GNG7: variants seen among roughly 807,000 people sequenced by gnomAD.
The protein encoded by GNG7 is guanine nucleotide-binding protein G(I)/G(S)/G(O) subunit gamma-7.
GNG7 carries 1 observed loss-of-function variant against 4.0 expected under a neutral mutation model. That is an observed-to-expected ratio of 0.25 (90% confidence interval 0.09 to 1.18). The LOEUF (loss-of-function observed/expected upper bound fraction) is 1.18. Ranked by LOEUF, GNG7 falls within the 50% of genes most tolerant of loss-of-function variation. GNG7 has a pLI of 0.50. For synonymous variants in GNG7, 34 were observed against 36.9 expected, an observed-to-expected ratio of 0.92 and a Z score of 0.29; for missense variants, 86 against 91.9, an observed-to-expected ratio of 0.94 and a Z score of 0.26.
At chr19:2,537,881 GCC>G (rs1978796043) in intron 3 of GNG7, among the ~76,000 whole-genome samples, 2 of 152,158 alleles carry the variant, frequency 1.3e-5, no homozygotes, top group Non-Finnish European at 2.9e-5. Context: ...TTCCAGACCA[GCC>G]TGGCCAACAC....
chr19:2,560,911 C>G (rs1174757789), intron 2 of GNG7, among the ~76,000 whole-genome samples: 1 of 148,258 alleles, frequency 6.7e-6, no homozygotes, highest in Non-Finnish European at 1.5e-5. Flanking sequence ...GAGCCGAGAT[C>G]GTACCATTGC....
chr19:2,519,709 G>A (rs568565659), intron 4 of GNG7, among the ~76,000 whole-genome samples: 2 of 151,622 alleles, frequency 1.3e-5, no homozygotes, highest in South Asian at 4.2e-4. Context: ...GGGCTTAAGA[G>A]AAAAAGCCTG....
chr19:2,594,429 A>AGGAG (rs1434805444), intron 2 of GNG7, among the ~76,000 whole-genome samples: 1 of 140,110 alleles, frequency 7.1e-6, no homozygotes, highest in Non-Finnish European at 1.5e-5. Context: ...GAAGGAAGGA[A>AGGAG]GGAAGGAAGG....
At chr19:2,697,618 G>A (rs1366995399) in intron 1 of GNG7, among the ~76,000 whole-genome samples, 3 of 152,308 alleles carry the variant, frequency 2.0e-5, no homozygotes, top group Middle Eastern at 3.4e-3. Flanking sequence ...GGGGAGAGGC[G>A]CCCGACATCA....
chr19:2,661,296 AAGAAAGAG>A (rs1230997952), intron 1 of GNG7, among the ~76,000 whole-genome samples: 1 of 58,590 alleles, frequency 1.7e-5, no homozygotes, highest in African/African-American at 8.8e-5. Flanking sequence ...GAAAGAAAGA[AAGAAAGAG>A]AAAGAAAGAA....
chr19:2,642,581 G>T (rs1982537289), intron 2 of GNG7: 8 of 359,586 alleles, frequency 2.2e-5, no homozygotes, highest in South Asian at 1.7e-4. Context: ...GCCTGGGCTG[G>T]TCTCAAACTC....
Position 2,529,211 on chromosome 19 carries a change from T to G in GNG7, c.-37-8486A>C, listed in dbSNP as rs566287606. Reference sequence around the variant, plus strand: ...TACCCATTTTTGTGTTGGTGGGTTTTTTTGTTTGTTTGTTTGTTTTTTGGA... The same window carrying G: ...TACCCATTTTTGTGTTGGTGGGTTTGTTTGTTTGTTTGTTTGTTTTTTGGA... On this transcript the variant is annotated intron_variant, in intron 3 of 4. Coordinates refer to ENST00000382159, the MANE Select transcript of GNG7 (RefSeq NM_052847.3). Among the ~76,000 whole-genome samples, 27 of 152,188 alleles carry G rather than the reference T, an allele frequency of 1.8e-4. No individual in the cohort carries two copies. In the East Asian group the frequency reaches 1.9e-3, roughly 11 times the overall value.
intron 3 of GNG7, among the ~76,000 whole-genome samples, chr19:2,535,812 T>C (rs1978718200): frequency 6.6e-6 from 1 of 152,166 alleles, no homozygotes; most frequent in Admixed American, 6.6e-5. Context: ...TGTCCTCCTC[T>C]GACCCCATCA....
At chr19:2,541,115 G>T (rs946688100) in intron 3 of GNG7, among the ~76,000 whole-genome samples, 2 of 152,234 alleles carry the variant, frequency 1.3e-5, no homozygotes, top group Admixed American at 1.3e-4. Context: ...GCGAGGGAGC[G>T]GGAGCTACCG....
chr19:2,612,944 G>A (rs576411680), intron 2 of GNG7, among the ~76,000 whole-genome samples: 56 of 152,012 alleles, frequency 3.7e-4, no homozygotes, highest in African/African-American at 1.3e-3. Flanking sequence ...CGTCCGCCTC[G>A]GCCTCCCAAA....
intron 1 of GNG7, among the ~76,000 whole-genome samples, chr19:2,667,329 A>G (rs1160907642): frequency 6.6e-6 from 1 of 152,130 alleles, no homozygotes; most frequent in Admixed American, 6.5e-5. Flanking sequence ...CTCAAAAAAC[A>G]AACAAACAAA....
chr19:2,561,791 G>C lies in GNG7; in HGVS notation c.-77-6603C>G, dbSNP rs148572741. 1.9e-3 allele frequency among the ~76,000 whole-genome samples: 285 copies of C among 152,088 alleles called. 5 individuals carry two copies. In the East Asian group the frequency reaches 0.047, roughly 25 times the overall value. ...AGCTACTCGGGAGGCTGAGGCAGGA[G>C]AATCGCTTGAACCTGGGAGGCAGAG... On this transcript the variant is annotated intron_variant, in intron 2 of 4. Transcript: ENST00000382159.
chr19:2,532,856 A>G (rs1978638070), intron 3 of GNG7, among the ~76,000 whole-genome samples: 2 of 152,214 alleles, frequency 1.3e-5, no homozygotes, highest in African/African-American at 4.8e-5. Context: ...GGAATGTGAA[A>G]TAGTACAACC....
chr19:2,673,840 T>C (rs1248074462), intron 1 of GNG7, among the ~76,000 whole-genome samples: 2 of 152,226 alleles, frequency 1.3e-5, no homozygotes, highest in African/African-American at 2.4e-5. Context: ...ACTGCTTTTG[T>C]ATATTTTAAA....
intron 3 of GNG7, among the ~76,000 whole-genome samples, chr19:2,532,750 C>G (rs1335027912): frequency 2.6e-5 from 4 of 152,248 alleles, no homozygotes; most frequent in African/African-American, 9.6e-5. Context: ...AGAGAGACTG[C>G]CTCTCAACCA....
intron 2 of GNG7, among the ~76,000 whole-genome samples, chr19:2,628,621 T>C (rs755457833): frequency 2.6e-5 from 4 of 152,118 alleles, no homozygotes; most frequent in Non-Finnish European, 5.9e-5. Context: ...GCAATGGCTC[T>C]CCAGAACCTT....
At position 2,583,898 on chromosome 19, in the gene GNG7, T is replaced by TA. The variant is rs752386621; in HGVS notation, c.-77-28711dup. ...AGATTCCCATAATATATTGCTAAATTAAAAAAAACAGATTAAAGAACAGTA... is the reference window on the plus strand; with the variant it reads ...AGATTCCCATAATATATTGCTAAATTAAAAAAAAACAGATTAAAGAACAGTA... On this transcript the variant is annotated intron_variant, in intron 2 of 4. Coordinates refer to ENST00000382159, the MANE Select transcript of GNG7 (RefSeq NM_052847.3). Among the ~76,000 whole-genome samples the TA allele has an allele frequency of 1.8e-4, 27 of 151,992 alleles. No homozygotes were observed. The South Asian group carries it at 2.3e-3, about 13-fold the overall frequency.
chr19:2,592,822 G>A (rs949961295), intron 2 of GNG7, among the ~76,000 whole-genome samples: 1 of 142,434 alleles, frequency 7.0e-6, no homozygotes, highest in African/African-American at 2.6e-5. Context: ...GAAAGAGAGA[G>A]AGAGAGAGGG....
intron 3 of GNG7, among the ~76,000 whole-genome samples, chr19:2,521,513 G>T (rs182826376): frequency 6.6e-6 from 1 of 151,794 alleles, no homozygotes; most frequent in Non-Finnish European, 1.5e-5. Flanking sequence ...ACGGCCCCAC[G>T]CCAGGGAAGG....
Sources: allele counts gnomAD v4.1 joint callset (sites outside exome capture counted in the v4.1 genomes callset), GRCh38; gene constraint gnomAD v4.1.1; transcripts MANE v1.5; gene names NCBI Gene and HGNC (gene_info 2026-07-23, HGNC 2026-07-21).